KAZN: variants seen among roughly 807,000 people sequenced by gnomAD.
The protein encoded by KAZN is kazrin.
KAZN carries 40 observed loss-of-function variants against 87.4 expected under a neutral mutation model. The observed-to-expected ratio is 0.46, with a 90% CI of 0.36 to 0.60. The LOEUF (loss-of-function observed/expected upper bound fraction) is 0.60. KAZN is among the 20% of genes least tolerant of loss of function. The probability of loss-of-function intolerance (pLI) is 0.00; values close to 1 mark genes in which losing one functional copy is unlikely to be tolerated. For missense variants in KAZN, 898 were observed against 1,073.9 expected (o/e 0.84, Z 2.29); for synonymous variants, 466 against 458.3 (o/e 1.02, Z -0.22).
chr1:14,641,957 T>G (rs1204877707), intron 1 of KAZN, among the ~76,000 whole-genome samples: 2 of 152,198 alleles, frequency 1.3e-5, no homozygotes, highest in African/African-American at 4.8e-5. Context: ...TAAAGAATTC[T>G]CAAACTCAGA....
At chr1:14,800,147 C>T (rs1048993187) in intron 1 of KAZN, among the ~76,000 whole-genome samples, 3 of 152,044 alleles carry the variant, frequency 2.0e-5, no homozygotes, top group African/African-American at 7.2e-5. Context: ...CAAAAGTACC[C>T]CAAGGCTGAC....
chr1:14,525,442 A>G (rs914089865), intron 2 of KAZN, among the ~76,000 whole-genome samples: 14 of 152,262 alleles, frequency 9.2e-5, no homozygotes, highest in Non-Finnish European at 1.0e-4. Context: ...GCAGACTTAG[A>G]CAACACATAA....
At chr1:14,720,207 C>T (rs149645194) in intron 1 of KAZN, among the ~76,000 whole-genome samples, 56 of 152,332 alleles carry the variant, frequency 3.7e-4, no homozygotes, top group African/African-American at 1.3e-3. Context: ...CCACCCTTAG[C>T]GCCTACTTGG....
intron 1 of KAZN, among the ~76,000 whole-genome samples, chr1:14,157,222 T>G (rs1358822311): frequency 3.3e-5 from 5 of 152,112 alleles, no homozygotes. Context: ...GTTGCAGTTA[T>G]TATTTTTGAT....
At chr1:14,922,784 T>C (rs1368626741) in intron 1 of KAZN, among the ~76,000 whole-genome samples, 1 of 129,036 alleles carries the variant, frequency 7.7e-6, no homozygotes, top group Non-Finnish European at 1.6e-5. Context: ...AAAGCGAGAC[T>C]CTGTCTCAAA....
chr1:14,260,587 A>T (rs764057220), intron 2 of KAZN, among the ~76,000 whole-genome samples: 13 of 152,160 alleles, frequency 8.5e-5, no homozygotes, highest in East Asian at 1.9e-4. Context: ...TCCACCTGAA[A>T]GACAGCCTGA....
intron 1 of KAZN, among the ~76,000 whole-genome samples, chr1:14,795,265 G>C (rs980953047): frequency 6.6e-6 from 1 of 152,060 alleles, no homozygotes; most frequent in Non-Finnish European, 1.5e-5. Flanking sequence ...TAATACAATG[G>C]GTGAAATGAG....
intron 2 of KAZN, among the ~76,000 whole-genome samples, chr1:14,506,631 A>T (rs546343719): frequency 6.6e-6 from 1 of 152,206 alleles, no homozygotes; most frequent in African/African-American, 2.4e-5. Flanking sequence ...TGAGGATTGA[A>T]TGAGGAAGCC....
At chr1:14,615,090 C>T (rs1469167418) in intron 1 of KAZN, among the ~76,000 whole-genome samples, 1 of 152,204 alleles carries the variant, frequency 6.6e-6, no homozygotes, top group Non-Finnish European at 1.5e-5. Flanking sequence ...CACAAGTCTC[C>T]AGTATCCCTG....
intron 2 of KAZN, among the ~76,000 whole-genome samples, chr1:14,388,479 A>AACAGT (rs1362421262): frequency 1.3e-5 from 2 of 152,228 alleles, no homozygotes; most frequent in African/African-American, 4.8e-5. Context: ...TAGTAGCCAA[A>AACAGT]ACAGTACAGT....
At chr1:14,634,219 T>C (rs1572097172) in intron 1 of KAZN, among the ~76,000 whole-genome samples, 1 of 152,212 alleles carries the variant, frequency 6.6e-6, no homozygotes. Context: ...TTACACCATA[T>C]TGGCACTTGA....
At chr1:14,516,564 C>T (rs903457879) in intron 2 of KAZN, among the ~76,000 whole-genome samples, 4 of 152,210 alleles carry the variant, frequency 2.6e-5, no homozygotes, top group African/African-American at 9.7e-5. Flanking sequence ...CGAGAAACAA[C>T]AGACTCTTAA....
chr1:14,347,560 T>C (rs1314467352), intron 2 of KAZN, among the ~76,000 whole-genome samples: 2 of 152,250 alleles, frequency 1.3e-5, no homozygotes, highest in Admixed American at 6.5e-5. Context: ...TTTTGTTAGA[T>C]TAGGCAGAAT....
At chr1:14,320,145 C>G (rs1655948958) in intron 2 of KAZN, among the ~76,000 whole-genome samples, 1 of 152,096 alleles carries the variant, frequency 6.6e-6, no homozygotes, top group African/African-American at 2.4e-5. Flanking sequence ...AATTTAAATA[C>G]TATTCTTTTG....
intron 1 of KAZN, among the ~76,000 whole-genome samples, chr1:14,147,811 A>T (rs1056934991): frequency 3.4e-4 from 51 of 151,062 alleles, no homozygotes; most frequent in African/African-American, 1.2e-3. Flanking sequence ...AAAAAACAAC[A>T]AAAAAACTAA....
intron 1 of KAZN, among the ~76,000 whole-genome samples, chr1:14,133,420 A>AGAAAGAAG (rs1645040788): frequency 7.7e-6 from 1 of 129,172 alleles, no homozygotes; most frequent in African/African-American, 3.1e-5. Flanking sequence ...AAAGAAAGAA[A>AGAAAGAAG]GAAAGAAAGA....
rs557536971 is a variant in KAZN, at chr1:15,096,855, C to T, written c.1547+1922C>T. ...GCCCCAGCCACAAATACCATCACAT[C>T]GAAGGTTAGGATTTCAGCATGTGAA... On this transcript the variant is annotated intron_variant, in intron 10 of 14. Coordinates refer to ENST00000376030, the MANE Select transcript of KAZN (RefSeq NM_201628.3). The surrounding 1 kb of genome is among the most constrained non-coding windows in gnomAD (Gnocchi z 4.5). Among the ~76,000 whole-genome samples the T allele has an allele frequency of 3.3e-5, 5 of 152,260 alleles. No individual in the cohort carries two copies. In the South Asian group the frequency reaches 6.2e-4, roughly 19 times the overall value.
At chr1:14,596,941 T>C (rs1199257944), upstream of KAZN, among the ~76,000 whole-genome samples, 1 of 152,234 alleles carries the variant, frequency 6.6e-6, no homozygotes, top group Non-Finnish European at 1.5e-5. Flanking sequence ...GTTTTGGACA[T>C]ATACCTAGGA....
In KAZN at chr1:14,193,500, C is replaced by T. The variant is rs1010961938; in HGVS notation, c.249+12908C>T. On this transcript the variant is annotated intron_variant, in intron 2 of 16. Transcript: ENST00000636203. ...CCTTAGAGCCTTTAAAAGGAACTTA[C>T]CCTGCTACCTTCTTGATTATGAGCT... Among the ~76,000 whole-genome samples the T allele has an allele frequency of 5.3e-5, 8 of 152,058 alleles. 1 individual carries two copies. Among genetic ancestry groups the T allele is most frequent in the Non-Finnish European group, 1.2e-4 (8 of 68,008 alleles).
Sources: gnomAD v4.1 joint callset for allele counts (sites outside exome capture counted in the v4.1 genomes callset) on GRCh38, gnomAD v4.1.1 for gene constraint, Gnocchi (gnomAD v3.1) non-coding constraint, MANE v1.5 for transcripts, NCBI Gene and HGNC (gene_info 2026-07-23, HGNC 2026-07-21) for gene names.